Variants in STARD9 observed in about 807,000 individuals in gnomAD.
STARD9 encodes stAR-related lipid transfer protein 9.
A neutral mutation model predicts 399.8 loss-of-function variants in STARD9; 346 were observed. The ratio of observed to expected loss-of-function variants is 0.87; its 90% CI spans 0.79 to 0.95. The LOEUF is 0.95. Ranked by LOEUF, STARD9 falls within the 40% of genes least tolerant of loss-of-function variation. The probability of loss-of-function intolerance (pLI) is 0.00; values close to 1 mark genes in which losing one functional copy is unlikely to be tolerated. For synonymous variants in STARD9, 2,203 were observed against 2,143.5 expected, an observed-to-expected ratio of 1.03 and a Z score of -0.77; for missense variants, 5,832 against 5,667.5, an observed-to-expected ratio of 1.03 and a Z score of -0.93.
intron 3 of STARD9, among the ~76,000 whole-genome samples, chr15:42,607,194 CTTTTTT>C (rs763484090): frequency 5.1e-5 from 2 of 39,260 alleles, no homozygotes; most frequent in South Asian, 1.7e-3. Flanking sequence ...TTTTCTGGTG[CTTTTTT>C]TTTTTTTTTT....
At position 42,692,967 on chromosome 15, in the gene STARD9, C is replaced by G. The variant is rs1286849763; in HGVS notation, c.11389C>G (p.Leu3797Val). The G allele has an allele frequency of 6.5e-7, 1 of 1,537,118 alleles. No individual in the cohort carries two copies. The highest frequency in any genetic ancestry group is 8.7e-7 in the Non-Finnish European group (1 of 1,146,906). Reference protein sequence around the residue: ...AEETAQKMAQLLYLQEESTPY... With the variant: ...AEETAQKMAQVLYLQEESTPY... ...GGAAACAGCACAGAAAATGGCTCAG[C>G]TCCTCTATCTTCAGGAAGAAAGCAC... The change falls in exon 23 of 33, where the codon CTC becomes GTC. Residue 3797 changes from leucine to valine, a missense_variant. By Grantham distance (32) the Leu-to-Val change is conservative (BLOSUM62 1). This residue lies in a region of STARD9 where 5,828 missense variants were observed against 5,651.1 expected (regional missense o/e 1.03). Coordinates refer to ENST00000290607, the MANE Select transcript of STARD9 (RefSeq NM_020759.3).
At chr15:42,717,356 C>T (rs868705442) in intron 28 of STARD9, among the ~76,000 whole-genome samples, 24 of 152,184 alleles carry the variant, frequency 1.6e-4, no homozygotes, top group Middle Eastern at 3.4e-3. Flanking sequence ...GGCGTGGTAG[C>T]TCACACCTGT....
rs78904754 is a variant in STARD9 at position 42,701,943 on chromosome 15, C to T, written c.13284+6063C>T. ...CGGGAGGGTGGAGGTTGCAGTGACC[C>T]GAGATCATCATTGCACTCCAGTGCA... On this transcript the variant is annotated intron_variant, in intron 26 of 32. Coordinates refer to ENST00000290607, the MANE Select transcript of STARD9 (RefSeq NM_020759.3). Among the ~76,000 whole-genome samples, 472 of 139,906 alleles carry T rather than the reference C, an allele frequency of 3.4e-3. 2 individuals are homozygous for T. The highest frequency in any genetic ancestry group is 0.012 in the African/African-American group (450 of 36,222). The allele number at this position is 139,906 out of a possible 152,430, so 91.8% of individuals were successfully genotyped here. A position where few individuals can be genotyped will look rare whatever the true frequency, so the allele number is the denominator to read the frequency against.
chr15:42,707,598 T>C (rs1429371712), intron 26 of STARD9, among the ~76,000 whole-genome samples: 26 of 152,064 alleles, frequency 1.7e-4, no homozygotes, highest in Admixed American at 5.9e-4. Context: ...GCCTCCCCAG[T>C]AGCTGGGACT....
intron 3 of STARD9, among the ~76,000 whole-genome samples, chr15:42,607,639 CACACACACTTAT>C (rs998874553): frequency 2.9e-5 from 4 of 135,744 alleles, no homozygotes; most frequent in Non-Finnish European, 4.6e-5. Context: ...ATATTATACA[CACACACACTTAT>C]ACACACACAC....
chr15:42,656,418 G>C (rs1001530661), intron 9 of STARD9, among the ~76,000 whole-genome samples: 1 of 145,602 alleles, frequency 6.9e-6, no homozygotes, highest in Non-Finnish European at 1.5e-5. Context: ...CTGTTGATGG[G>C]AATATAAACT....
In STARD9 at chr15:42,583,531, ATAAG is replaced by A; in HGVS notation, c.117+117_117+120del. ...TTTAGAGTTGGGGAGGAAGGGGTAT[ATAAG>A]AGGAATAGGGGGAGGAGCTTATGCC... On this transcript the variant is annotated intron_variant, in intron 2 of 32. Transcript: ENST00000290607. The A allele has an allele frequency of 4.4e-6, 3 of 674,968 alleles. No individual in the cohort carries two copies. In the South Asian group the frequency reaches 5.8e-5, roughly 13 times the overall value. The allele number at this position is 674,968 out of a possible 1,614,324, so 41.8% of individuals were successfully genotyped here.
chr15:42,685,821 G>A lies in STARD9; in HGVS notation c.4243G>A (p.Ala1415Thr), dbSNP rs1449500747. 6.5e-7 allele frequency: 1 copy of A among 1,537,068 alleles called. No homozygotes were observed. Among genetic ancestry groups the A allele is most frequent in the Non-Finnish European group, 8.7e-7 (1 of 1,146,952 alleles). ...LLCSARDEHT[A>T]SAADTSRLSL... Reference sequence around the variant, plus strand: ...CTGCAGTGCAAGAGATGAGCACACAGCCTCTGCTGCTGATACGTCTAGGCT... The same window carrying A: ...CTGCAGTGCAAGAGATGAGCACACAACCTCTGCTGCTGATACGTCTAGGCT... The change falls in exon 23 of 33, where the codon GCC (alanine) becomes ACC (threonine). Residue 1415 changes from alanine (A) to threonine (T), a missense_variant. Physicochemically the swap from Ala to Thr is moderately conservative, Grantham distance 58. Coordinates refer to ENST00000290607, the MANE Select transcript of STARD9 (RefSeq NM_020759.3).
chr15:42,626,306 T>TTCCTCTTCCTCTTCTTCC (rs1208103419), intron 3 of STARD9, among the ~76,000 whole-genome samples: 53 of 117,230 alleles, frequency 4.5e-4, no homozygotes, highest in Non-Finnish European at 7.1e-4. Flanking sequence ...CCTCCCCTTC[T>TTCCTCTTCCTCTTCTTCC]TCCTCTTCCT....
intron 16 of STARD9, among the ~76,000 whole-genome samples, chr15:42,674,189 G>T (rs891468155): frequency 1.3e-5 from 2 of 152,222 alleles, no homozygotes; most frequent in African/African-American, 4.8e-5. Context: ...TTTGCAAATA[G>T]CTTGGGCTGC....
At position 42,686,251 on chromosome 15, in the gene STARD9, G is replaced by T; in HGVS notation, c.4673G>T (p.Arg1558Met). 1 of 1,537,724 alleles carries T rather than the reference G, an allele frequency of 6.5e-7. No individual in the cohort carries two copies. The highest frequency in any genetic ancestry group is 1.2e-5 in the South Asian group (1 of 84,060). The change falls in exon 23 of 33, where the codon AGG becomes ATG. Residue 1558 changes from arginine (R) to methionine (M), a missense_variant. Arg to Met is a moderately conservative substitution (Grantham distance 91). This residue lies in a region of STARD9 where 5,828 missense variants were observed against 5,651.1 expected (regional missense o/e 1.03). Transcript: ENST00000290607. ...CATCTGTCCAGAATCAGGCGTTTGA[G>T]GGCAGAGAAAGAACAGGACAGTTTA... ...PVHLSRIRRL[R>M]AEKEQDSLNA...
chr15:42,696,064 G>C (rs2060840766), intron 26 of STARD9, among the ~76,000 whole-genome samples, 184 bp downstream of exon 26: 1 of 152,218 alleles, frequency 6.6e-6, no homozygotes, highest in South Asian at 2.1e-4. Flanking sequence ...TGCTCCTTCT[G>C]TTCATTCATT....
At chr15:42,577,744 A>G (rs900464520) in intron 1 of STARD9, among the ~76,000 whole-genome samples, 49 of 152,350 alleles carry the variant, frequency 3.2e-4, no homozygotes, top group African/African-American at 1.1e-3. Flanking sequence ...CTCTTCTCAC[A>G]GAATCCTGCA....
chr15:42,616,003 A>G (rs980572014), intron 3 of STARD9, among the ~76,000 whole-genome samples: 2 of 152,208 alleles, frequency 1.3e-5, no homozygotes, highest in African/African-American at 2.4e-5. Context: ...GAGTACTTCA[A>G]TGAGTAGGAT....
Position 42,688,019 on chromosome 15 carries a change from C to G in STARD9, c.6441C>G (p.Ile2147Met). 6.5e-7 allele frequency: 1 copy of G among 1,537,506 alleles called. No homozygotes were observed. The highest frequency in any genetic ancestry group is 1.2e-5 in the South Asian group (1 of 84,060). Residue 2147 changes from isoleucine (I) to methionine (M), a missense_variant, in exon 23 of 33, where the codon ATC becomes ATG. Ile to Met is a conservative substitution (Grantham distance 10). Coordinates refer to ENST00000290607, the MANE Select transcript of STARD9 (RefSeq NM_020759.3). ...SIGNHPQVQK[I>M]TPNPFRSREG... ...GGAACCATCCCCAGGTCCAGAAAATCACCCCAAACCCCTTCAGGTCAAGGG... is the reference window on the plus strand; with the variant it reads ...GGAACCATCCCCAGGTCCAGAAAATGACCCCAAACCCCTTCAGGTCAAGGG...
At chr15:42,703,329 T>A (rs1435039939) in intron 26 of STARD9, among the ~76,000 whole-genome samples, 1 of 151,890 alleles carries the variant, frequency 6.6e-6, no homozygotes, top group East Asian at 1.9e-4. Flanking sequence ...CCCTCTTGAA[T>A]GCCAGTGACT....
intron 3 of STARD9, among the ~76,000 whole-genome samples, chr15:42,600,491 T>C (rs909792361): frequency 6.6e-6 from 1 of 151,434 alleles, no homozygotes; most frequent in Non-Finnish European, 1.5e-5. Flanking sequence ...CATGTGTGTG[T>C]GAGAGAGAGA....
chr15:42,611,478 C>G (rs1459899293), intron 3 of STARD9, among the ~76,000 whole-genome samples: 1 of 152,192 alleles, frequency 6.6e-6, no homozygotes, highest in East Asian at 1.9e-4. Flanking sequence ...TTTAGTCCAG[C>G]ATCACCTTTT....
Position 42,718,139 on chromosome 15 carries a change from A to G in STARD9, c.13722A>G (p.Thr4574=). The G allele has an allele frequency of 6.5e-7, 1 of 1,537,194 alleles. No homozygotes were observed. Among genetic ancestry groups the G allele is most frequent in the Non-Finnish European group, 8.7e-7 (1 of 1,146,900 alleles). The change falls in exon 30 of 33, where the codon ACA becomes ACG. Residue 4574 remains threonine, a synonymous_variant. Coordinates refer to ENST00000290607, the MANE Select transcript of STARD9 (RefSeq NM_020759.3). ...CCCTGTATTACAAGCCCATCCAGAC[A>G]GCAAGGCTGCATCAGCGAGTGACCA... is the stretch of plus-strand genomic sequence containing the variant. The part of the protein sequence containing the change: ...VWPLYYKPIQ[T]ARLHQRVTNS...
Sources: allele counts gnomAD v4.1 joint callset (sites outside exome capture counted in the v4.1 genomes callset), GRCh38; gene constraint gnomAD v4.1.1; regional missense constraint gnomAD v4.1.1; transcripts MANE v1.5; gene names NCBI Gene and HGNC (gene_info 2026-07-23, HGNC 2026-07-21).